The following TDRD1 variants were observed in gnomAD, a reference collection of about 807,000 sequenced individuals.
TDRD1 encodes tudor domain containing 1, also known as tudor domain-containing protein 1.
In TDRD1, 37 loss-of-function variants were observed where a neutral mutation model predicts 140.6. The ratio of observed to expected loss-of-function variants is 0.26; its 90% confidence interval spans 0.20 to 0.35. The LOEUF (loss-of-function observed/expected upper bound fraction) is 0.35, where lower values mean the gene tolerates loss of function less well. Among genes scored for constraint, TDRD1 ranks in the 10% least tolerant of loss-of-function variants. The probability of loss-of-function intolerance (pLI) is 1.00; values close to 1 mark genes in which losing one functional copy is unlikely to be tolerated. For synonymous variants in TDRD1, 506 were observed against 475.7 expected, an observed-to-expected ratio of 1.06 and a Z score of -0.83; for missense variants, 1,243 against 1,393.0, an observed-to-expected ratio of 0.89 and a Z score of 1.71.
At chr10:114,208,537 T>TCCTCCTACTCCCCTAC (rs1176600440) in intron 11 of TDRD1, among the ~76,000 whole-genome samples, 1 of 152,158 alleles carries the variant, frequency 6.6e-6, no homozygotes, top group African/African-American at 2.4e-5. Flanking sequence ...ATCACCATGC[T>TCCTCCTACTCCCCTAC]TTTGTCCCCT....
intron 25 of TDRD1, chr10:114,228,879 T>G (rs2036592073): frequency 1.5e-6 from 1 of 667,890 alleles, no homozygotes; most frequent in Non-Finnish European, 1.9e-6. Context: ...AGCCCAGGCG[T>G]TCGAAGTCAG....
At chr10:114,219,130 T>C (rs1266229758) in intron 18 of TDRD1, among the ~76,000 whole-genome samples, 1 of 152,218 alleles carries the variant, frequency 6.6e-6, no homozygotes, top group Non-Finnish European at 1.5e-5. Context: ...AAGATGATGT[T>C]AAATATGTGT....
At chr10:114,187,773 C>A in intron 1 of TDRD1, 53 bp from the exon 2 acceptor site, 1 of 1,434,356 alleles carries the variant, frequency 7.0e-7, no homozygotes, top group Middle Eastern at 2.5e-4. Context: ...GCCTGCAGTT[C>A]TTCTGAAATT....
At chr10:114,177,022 G>A (rs1226495516), upstream of TDRD1, among the ~76,000 whole-genome samples, 5 of 152,118 alleles carry the variant, frequency 3.3e-5, no homozygotes, top group Non-Finnish European at 5.9e-5. Context: ...AGAGCTTCCT[G>A]TGGCCAAAGC....
chr10:114,210,677 A>T, exon 12 of TDRD1: 1 of 1,613,184 alleles, frequency 6.2e-7, no homozygotes, highest in Admixed American at 1.7e-5. Context: ...AATGTAGGTG[A>T]TGAGTTTTGT....
chr10:114,213,624 G>C, intron 15 of TDRD1, 36 bp downstream of exon 15: 1 of 1,577,330 alleles, frequency 6.3e-7, no homozygotes, highest in Non-Finnish European at 8.7e-7. Flanking sequence ...GCCTGTTCTG[G>C]AGTTCAGATG....
At chr10:114,229,427 C>T (rs1411478394) in intron 25 of TDRD1, among the ~76,000 whole-genome samples, 3 of 152,054 alleles carry the variant, frequency 2.0e-5, no homozygotes, top group African/African-American at 7.2e-5. Flanking sequence ...AATGCAAGAT[C>T]AACTATCTTG....
At chr10:114,217,413 G>T in intron 16 of TDRD1, 132 bp from the exon 17 acceptor site, 1 of 514,812 alleles carries the variant, frequency 1.9e-6, no homozygotes, top group Non-Finnish European at 3.5e-6. Context: ...AAAAGCATTG[G>T]GTAGACTTAA....
intron 11 of TDRD1, 87 bp from the exon 12 acceptor site, chr10:114,210,494 C>A: frequency 1.5e-6 from 2 of 1,321,458 alleles, no homozygotes; most frequent in Non-Finnish European, 2.0e-6. Context: ...TAGTCATATT[C>A]GTTTTAAAAT....
At chr10:114,176,288 T>G (rs890214523), upstream of TDRD1, among the ~76,000 whole-genome samples, 1 of 143,978 alleles carries the variant, frequency 6.9e-6, no homozygotes, top group African/African-American at 2.6e-5. This position sits in a 1 kb window ranked among gnomAD's most constrained non-coding sequence, Gnocchi z 4.2. Context: ...CAAAATTGAA[T>G]GGAAAAAAAA....
intron 8 of TDRD1, 146 bp downstream of exon 8, chr10:114,203,713 G>C: frequency 1.3e-6 from 1 of 744,136 alleles, no homozygotes; most frequent in Non-Finnish European, 2.1e-6. Context: ...CCCGTGCTCT[G>C]TTCACCTTGC....
intron 11 of TDRD1, among the ~76,000 whole-genome samples, chr10:114,209,659 C>A (rs944423212): frequency 1.3e-5 from 2 of 152,202 alleles, no homozygotes; most frequent in South Asian, 4.1e-4. Context: ...GATTGTAACA[C>A]ATTCTGAGAG....
At chr10:114,229,394 T>A (rs1359978696) in intron 25 of TDRD1, among the ~76,000 whole-genome samples, 2 of 152,196 alleles carry the variant, frequency 1.3e-5, no homozygotes, top group Non-Finnish European at 2.9e-5. Context: ...AAAGGTCAAT[T>A]GAATTATAAG....
chr10:114,207,850 G>C lies in TDRD1; in HGVS notation c.1384+1520G>C, dbSNP rs962589720. Among the ~76,000 whole-genome samples, 101 of 152,048 alleles carry C rather than the reference G, an allele frequency of 6.6e-4. 2 individuals are homozygous for C. The highest frequency in any genetic ancestry group is 5.9e-5 in the Non-Finnish European group (4 of 68,002). ...AAAACCACTGAGCAATATCTTCTTC[G>C]CTAAGGCACTGTGAAGGTGCCTTCA... On this transcript the variant is annotated intron_variant, in intron 11 of 25. Transcript: ENST00000251864.
chr10:114,190,758 G>T (rs2033905013), intron 2 of TDRD1, among the ~76,000 whole-genome samples: 1 of 152,214 alleles, frequency 6.6e-6, no homozygotes, highest in African/African-American at 2.4e-5. Context: ...AAAGTGCTGG[G>T]ATTATAGGGG....
intron 3 of TDRD1, among the ~76,000 whole-genome samples, chr10:114,194,701 G>GT (rs1003309612): frequency 3.5e-5 from 5 of 144,532 alleles, no homozygotes; most frequent in Admixed American, 6.9e-5. Flanking sequence ...TTTTGGGCAT[G>GT]TTTTTTTGTC....
At chr10:114,205,683 A>G (rs190941861) in intron 10 of TDRD1, among the ~76,000 whole-genome samples, 1 of 152,076 alleles carries the variant, frequency 6.6e-6, no homozygotes, top group African/African-American at 2.4e-5. Flanking sequence ...ATTTCTGTCA[A>G]ATAGAGGGTA....
chr10:114,221,897 A>G (rs1202408802), intron 20 of TDRD1, among the ~76,000 whole-genome samples: 2 of 152,220 alleles, frequency 1.3e-5, no homozygotes, highest in Admixed American at 6.5e-5. Context: ...AGTAGCATAT[A>G]AAAATTTATT....
chr10:114,180,550 C>A (rs1327374964), intron 1 of TDRD1, among the ~76,000 whole-genome samples: 1 of 152,152 alleles, frequency 6.6e-6, no homozygotes, highest in Non-Finnish European at 1.5e-5. Flanking sequence ...ACTGCAACCT[C>A]CGCCTCCCGG....
Sources: allele counts gnomAD v4.1 joint callset (sites outside exome capture counted in the v4.1 genomes callset), GRCh38; gene constraint gnomAD v4.1.1; non-coding constraint Gnocchi (gnomAD v3.1); transcripts MANE v1.5; gene names NCBI Gene and HGNC (gene_info 2026-07-23, HGNC 2026-07-21).